The following OLFM2 variants were observed in gnomAD, a reference collection of about 807,000 sequenced individuals.
The protein encoded by OLFM2 is olfactomedin 2, also known as noelin-2.
Under a neutral mutation model 43.9 loss-of-function variants are expected in OLFM2, and 20 were observed. The ratio of observed to expected loss-of-function variants is 0.46; its 90% CI spans 0.32 to 0.66. The LOEUF (loss-of-function observed/expected upper bound fraction) is 0.66. Among genes scored for constraint, OLFM2 ranks in the 30% least tolerant of loss-of-function variants. OLFM2 has a pLI of 0.04. For synonymous variants in OLFM2, 268 were observed against 278.6 expected (o/e 0.96, Z 0.38); for missense variants, 416 against 643.6 (o/e 0.65, Z 3.83).
chr19:9,905,314 G>A (rs963871946), intron 1 of OLFM2, among the ~76,000 whole-genome samples: 7 of 152,042 alleles, frequency 4.6e-5, no homozygotes, highest in East Asian at 3.9e-4. Flanking sequence ...AAAATTAGCC[G>A]GGCGTAGTGG....
chr19:9,857,167 T>G lies in OLFM2; in HGVS notation c.580+96A>C. 1 of 1,240,948 alleles carries G rather than the reference T, an allele frequency of 8.1e-7. No individual in the cohort carries two copies. Among genetic ancestry groups the G allele is most frequent in the South Asian group, 1.2e-5 (1 of 80,682 alleles). 76.9% of individuals were successfully genotyped at this position (1,240,948 alleles called of 1,614,324 possible). ...AGGGTTGAGGTTTAAAAGTTAGAGGTCAAAACTGTGTCCAGCTTCTAGGCA... is the reference window on the plus strand; with the variant it reads ...AGGGTTGAGGTTTAAAAGTTAGAGGGCAAAACTGTGTCCAGCTTCTAGGCA... On this transcript the variant is annotated intron_variant, in intron 4 of 5. Coordinates refer to ENST00000264833, the MANE Select transcript of OLFM2 (RefSeq NM_058164.4). The surrounding 1 kb of genome is among the most constrained non-coding windows in gnomAD (Gnocchi z 5.7).
At chr19:9,918,859 G>T (rs1387668531) in intron 1 of OLFM2, among the ~76,000 whole-genome samples, 1 of 152,164 alleles carries the variant, frequency 6.6e-6, no homozygotes, top group South Asian at 2.1e-4. Context: ...GCCTGCAAGT[G>T]GGGGTGGGAG....
At chr19:9,913,677 G>T in intron 1 of OLFM2, 5 of 1,118,470 alleles carry the variant, frequency 4.5e-6, no homozygotes, top group South Asian at 2.9e-5. Flanking sequence ...GGCCCGCCGC[G>T]GGGCGCTCGG....
intron 1 of OLFM2, among the ~76,000 whole-genome samples, chr19:9,924,359 T>G (rs1440306891): frequency 2.5e-5 from 3 of 119,382 alleles, no homozygotes; most frequent in African/African-American, 9.8e-5. Context: ...TGAGCCAAGA[T>G]CACACCACTG....
At chr19:9,886,901 C>G (rs1299609821) in intron 1 of OLFM2, among the ~76,000 whole-genome samples, 6 of 152,142 alleles carry the variant, frequency 3.9e-5, no homozygotes, top group African/African-American at 1.4e-4. Flanking sequence ...CCAGGCTGGT[C>G]TCAAACTCCT....
intron 1 of OLFM2, among the ~76,000 whole-genome samples, chr19:9,888,411 C>G (rs560269000): frequency 6.8e-6 from 1 of 146,226 alleles, no homozygotes; most frequent in Admixed American, 7.2e-5. Context: ...GTAATCCCAG[C>G]TACTCGGGAG....
chr19:9,906,303 G>C (rs1568382422), intron 1 of OLFM2, among the ~76,000 whole-genome samples: 2 of 152,126 alleles, frequency 1.3e-5, no homozygotes, highest in African/African-American at 2.4e-5. Context: ...GGCACACAGG[G>C]TGGGGGAGAG....
intron 1 of OLFM2, among the ~76,000 whole-genome samples, chr19:9,867,021 G>C (rs2046407019): frequency 6.6e-6 from 1 of 152,164 alleles, no homozygotes; most frequent in South Asian, 2.1e-4. Flanking sequence ...TGTTCTTGCT[G>C]TCGGGCCAGG....
At chr19:9,923,084 T>C (rs944975436) in intron 1 of OLFM2, among the ~76,000 whole-genome samples, 1 of 152,094 alleles carries the variant, frequency 6.6e-6, no homozygotes, top group Non-Finnish European at 1.5e-5. Context: ...TTTCTCCCTA[T>C]GACCCAGCAA....
intron 2 of OLFM2, among the ~76,000 whole-genome samples, chr19:9,859,932 A>C (rs2046354104): frequency 6.6e-6 from 1 of 152,180 alleles, no homozygotes; most frequent in Non-Finnish European, 1.5e-5. Flanking sequence ...ACCTGCAGTC[A>C]GGAGTTCAAG....
At chr19:9,906,630 A>G (rs1490662861) in intron 1 of OLFM2, among the ~76,000 whole-genome samples, 3 of 152,070 alleles carry the variant, frequency 2.0e-5, no homozygotes, top group Non-Finnish European at 4.4e-5. Context: ...CGAACTGCAG[A>G]GTCAGAGATA....
At chr19:9,915,751 T>C (rs7254176) in intron 1 of OLFM2, among the ~76,000 whole-genome samples, 69,972 of 151,624 alleles carry the variant, frequency 0.46, 16,358 homozygotes, top group Admixed American at 0.57. Context: ...ATCTCCTGAC[T>C]TCGTGATCTG....
chr19:9,891,651 C>A (rs146964468), intron 1 of OLFM2, among the ~76,000 whole-genome samples: 40 of 151,976 alleles, frequency 2.6e-4, no homozygotes, highest in African/African-American at 9.4e-4. Context: ...TGGTATGAAG[C>A]CTCCATCACT....
chr19:9,889,920 A>ATTT (rs149190423), intron 1 of OLFM2, among the ~76,000 whole-genome samples: 1 of 147,720 alleles, frequency 6.8e-6, no homozygotes. Context: ...ATAAATTCCA[A>ATTT]TTTTTTTTTT....
chr19:9,927,333 C>G (rs958509157), intron 1 of OLFM2, among the ~76,000 whole-genome samples: 1 of 151,984 alleles, frequency 6.6e-6, no homozygotes, highest in Admixed American at 6.6e-5. Context: ...ATCCTTAACC[C>G]AGCTTTCGAA....
At chr19:9,921,246 A>T (rs1317145067) in intron 1 of OLFM2, among the ~76,000 whole-genome samples, 2 of 151,934 alleles carry the variant, frequency 1.3e-5, no homozygotes, top group Non-Finnish European at 2.9e-5. Context: ...CCTTCCGAGT[A>T]GCTGGGACTA....
chr19:9,859,607 C>A (rs968525274), intron 2 of OLFM2, among the ~76,000 whole-genome samples: 2 of 152,146 alleles, frequency 1.3e-5, no homozygotes, highest in Non-Finnish European at 2.9e-5. Context: ...GGACTATTTT[C>A]TCTTGACCAT....
intron 1 of OLFM2, among the ~76,000 whole-genome samples, chr19:9,901,124 AGAAAAAGGAAGGAAAGAAAGAAG>A (rs1227232647): frequency 2.7e-5 from 4 of 148,396 alleles, no homozygotes; most frequent in Non-Finnish European, 4.5e-5. Flanking sequence ...AAGGAAAGAA[AGAAAAAGGAAGGAAAGAAAGAAG>A]GAAAGAAAAA....
chr19:9,924,406 CAAAAAAAAAA>C (rs1166738814), intron 1 of OLFM2, among the ~76,000 whole-genome samples: 16 of 25,790 alleles, frequency 6.2e-4, no homozygotes, highest in Admixed American at 1.7e-3. Flanking sequence ...ACTCTGTCTC[CAAAAAAAAAA>C]AAAAAAAAAA....
Sources: allele counts gnomAD v4.1 joint callset (sites outside exome capture counted in the v4.1 genomes callset), GRCh38; gene constraint gnomAD v4.1.1; non-coding constraint Gnocchi (gnomAD v3.1); transcripts MANE v1.5; gene names NCBI Gene and HGNC (gene_info 2026-07-23, HGNC 2026-07-21).